Variants in TTC23L observed in about 807,000 individuals in gnomAD.
TTC23L encodes the protein tetratricopeptide repeat protein 23-like.
TTC23L carries 42 observed loss-of-function variants against 48.1 expected under a neutral mutation model. The observed-to-expected ratio is 0.87, with a 90% CI of 0.68 to 1.13. TTC23L has a LOEUF of 1.13. TTC23L is among the 50% of genes most tolerant of loss of function. The probability of loss-of-function intolerance (pLI) is 0.00; values close to 1 mark genes in which losing one functional copy is unlikely to be tolerated. For missense variants in TTC23L, 391 were observed against 421.0 expected, an observed-to-expected ratio of 0.93 and a Z score of 0.62; for synonymous variants, 159 against 157.2, an observed-to-expected ratio of 1.01 and a Z score of -0.09.
chr5:34,867,876 G>C (rs1213929086), intron 7 of TTC23L: 1 of 152,258 alleles, frequency 6.6e-6, no homozygotes, highest in African/African-American at 2.4e-5. Flanking sequence ...TGCTGTGAAG[G>C]CAGGGAGTCC....
intron 9 of TTC23L, 127 bp from the exon 10 acceptor site, chr5:34,896,643 C>G: frequency 1.4e-6 from 1 of 707,430 alleles, no homozygotes; most frequent in Non-Finnish European, 2.6e-6. Flanking sequence ...TAAGAGAAAA[C>G]ATGAAGAAAT....
intron 9 of TTC23L, among the ~76,000 whole-genome samples, chr5:34,894,893 A>T: frequency 6.6e-6 from 1 of 151,518 alleles, no homozygotes; most frequent in South Asian, 2.1e-4. Flanking sequence ...AATGATGATG[A>T]TGATGATGAT....
intron 8 of TTC23L, among the ~76,000 whole-genome samples, chr5:34,879,958 T>A (rs1028556206): frequency 6.6e-6 from 1 of 152,104 alleles, no homozygotes; most frequent in African/African-American, 2.4e-5. Context: ...GTTGCACCGC[T>A]GCACCCCAGC....
intron 3 of TTC23L, among the ~76,000 whole-genome samples, chr5:34,846,574 A>T (rs1331409640): frequency 1.4e-4 from 15 of 107,994 alleles, no homozygotes; most frequent in Non-Finnish European, 3.5e-5. Context: ...AAAAAAAAAA[A>T]AAATATATAT....
At chr5:34,879,106 T>C (rs1762049333) in intron 8 of TTC23L, among the ~76,000 whole-genome samples, 1 of 152,184 alleles carries the variant, frequency 6.6e-6, no homozygotes, top group South Asian at 2.1e-4. Context: ...GAAAGTCAAG[T>C]ATCAAGGTTT....
intron 4 of TTC23L, among the ~76,000 whole-genome samples, chr5:34,862,301 T>C (rs1039519442): frequency 2.0e-4 from 30 of 152,076 alleles, no homozygotes; most frequent in African/African-American, 7.2e-4. Context: ...ACCAGATTCA[T>C]CTTAGATTGA....
intron 4 of TTC23L, among the ~76,000 whole-genome samples, chr5:34,850,509 T>C (rs62356973): frequency 0.057 from 8,652 of 152,276 alleles, 323 homozygotes; most frequent in Middle Eastern, 0.095. Flanking sequence ...ATGACAGTTA[T>C]TGAGTATTTA....
the TTC23L span, chr5:34,914,924 T>C: frequency 6.2e-7 from 1 of 1,609,846 alleles, no homozygotes; most frequent in Non-Finnish European, 8.5e-7. Context: ...CGAGGGATGC[T>C]CCTGGGGCCA....
chr5:34,897,367 G>C (rs187643538), intron 10 of TTC23L, among the ~76,000 whole-genome samples: 180 of 151,700 alleles, frequency 1.2e-3, no homozygotes, highest in African/African-American at 4.2e-3. Flanking sequence ...CTGGGCAACA[G>C]AGCAAGACTG....
exon 7 of TTC23L, chr5:34,866,894 C>T (rs576934484): frequency 1.4e-5 from 22 of 1,585,394 alleles, no homozygotes; most frequent in Middle Eastern, 1.7e-4. Flanking sequence ...TCTTGCAGAG[C>T]CTCCTTGGCC....
chr5:34,900,369 TC>T, downstream of TTC23L, among the ~76,000 whole-genome samples: 1 of 152,140 alleles, frequency 6.6e-6, no homozygotes, highest in Non-Finnish European at 1.5e-5. Context: ...GTGTGGTGGC[TC>T]ATTGCCTGTA....
At chr5:34,913,812 T>G in the TTC23L span, 2 of 530,594 alleles carry the variant, frequency 3.8e-6, no homozygotes, top group South Asian at 3.7e-5. Flanking sequence ...TTTGTGCCTA[T>G]CACTACTGCT....
At chr5:34,897,278 G>A (rs1469183498) in intron 10 of TTC23L, among the ~76,000 whole-genome samples, 3 of 152,006 alleles carry the variant, frequency 2.0e-5, no homozygotes, top group South Asian at 4.2e-4. Flanking sequence ...CCAGTTACTC[G>A]GGAGGCTGAG....
intron 8 of TTC23L, among the ~76,000 whole-genome samples, chr5:34,875,986 C>A (rs554905831): frequency 6.6e-6 from 1 of 152,130 alleles, no homozygotes; most frequent in South Asian, 2.1e-4. Flanking sequence ...AGAAAGATAC[C>A]TAGAAAATCC....
chr5:34,854,643 C>T (rs1759974648), intron 4 of TTC23L, among the ~76,000 whole-genome samples: 1 of 152,186 alleles, frequency 6.6e-6, no homozygotes, highest in African/African-American at 2.4e-5. Context: ...TGCCTCACTG[C>T]ACCCATTCAT....
chr5:34,918,254 G>A, the TTC23L span: 1 of 553,404 alleles, frequency 1.8e-6, no homozygotes, highest in Non-Finnish European at 3.2e-6. Flanking sequence ...ACTTGAAACT[G>A]CAGTGAGCCG....
exon 4 of TTC23L, chr5:34,850,267 G>A (rs764173475): frequency 9.9e-6 from 16 of 1,613,754 alleles, no homozygotes; most frequent in South Asian, 4.4e-5. Context: ...AAATGTGCAC[G>A]AGCTCTGGCC....
chr5:34,878,570 G>T (rs1277537380), intron 8 of TTC23L, among the ~76,000 whole-genome samples: 3 of 152,156 alleles, frequency 2.0e-5, no homozygotes, highest in Non-Finnish European at 4.4e-5. Flanking sequence ...GAACAAAGTT[G>T]GAGGACTAAC....
At chr5:34,882,291 CA>C (rs1378282078) in intron 9 of TTC23L, among the ~76,000 whole-genome samples, 1 of 152,122 alleles carries the variant, frequency 6.6e-6, no homozygotes, top group Non-Finnish European at 1.5e-5. Context: ...ACAAAGCCAC[CA>C]AAGGACCTGA....
Sources: gnomAD v4.1 joint callset for allele counts (sites outside exome capture counted in the v4.1 genomes callset) on GRCh38, gnomAD v4.1.1 for gene constraint, MANE v1.5 for transcripts, NCBI Gene and HGNC (gene_info 2026-07-23, HGNC 2026-07-21) for gene names.